The following ALX4 variants were observed in gnomAD, a reference collection of about 807,000 sequenced individuals.
ALX4 encodes the protein homeobox protein aristaless-like 4.
Under a neutral mutation model 40.6 loss-of-function variants are expected in ALX4, and 22 were observed. The observed-to-expected ratio is 0.54, with a 90% CI of 0.39 to 0.77. The LOEUF (loss-of-function observed/expected upper bound fraction) is 0.77. ALX4 is among the 30% of genes least tolerant of loss of function. The pLI is 0.00. For synonymous variants in ALX4, 266 were observed against 240.5 expected (o/e 1.11, Z -0.98); for missense variants, 556 against 564.8 (o/e 0.98, Z 0.16).
At chr11:44,305,633 G>A (rs1304240567) in intron 1 of ALX4, among the ~76,000 whole-genome samples, 1 of 152,228 alleles carries the variant, frequency 6.6e-6, no homozygotes, top group Non-Finnish European at 1.5e-5. Context: ...GTGGTGCATG[G>A]ATTGTGTCGG....
At chr11:44,295,321 G>A (rs1956396926) in intron 1 of ALX4, among the ~76,000 whole-genome samples, 1 of 152,160 alleles carries the variant, frequency 6.6e-6, no homozygotes. Flanking sequence ...GAGCTTCATG[G>A]GCTTCTCCAA....
chr11:44,275,364 G>C lies in ALX4; in HGVS notation c.761C>G (p.Thr254Ser). Residue 254 changes from threonine to serine, a missense_variant, in exon 2 of 4, where the codon ACT (threonine) becomes AGT (serine). By Grantham distance (58) the Thr-to-Ser change is moderately conservative. Coordinates refer to ENST00000652299, the MANE Select transcript of ALX4 (RefSeq NM_021926.4). ...REQLAMRTDL[T>S]EARVQVWFQN... Reference sequence around the variant, plus strand: ...CTCACTGACCTGCACGCGGGCCTCAGTGAGGTCTGTCCTCATGGCCAGCTG... The same window carrying C: ...CTCACTGACCTGCACGCGGGCCTCACTGAGGTCTGTCCTCATGGCCAGCTG... 6.2e-7 allele frequency: 1 copy of C among 1,614,224 alleles called. No individual in the cohort carries two copies. The highest frequency in any genetic ancestry group is 2.2e-5 in the East Asian group (1 of 44,876).
chr11:44,267,556 G>C lies in ALX4; in HGVS notation c.844C>G (p.Arg282Gly). ...RERFGQMQQV[R>G]THFSTAYELP... The stretch of plus-strand genomic sequence containing the variant: ...TCATATGCAGTGGAGAAGTGGGTTC[G>C]AACCTGCTGCATCTGCCCAAAACGC... Residue 282 changes from arginine (R) to glycine (G), a missense_variant, in exon 3 of 4, where the codon CGA becomes GGA. Physicochemically the swap from Arg to Gly is moderately radical, Grantham distance 125 (BLOSUM62 -2). Transcript: ENST00000652299. 6.2e-7 allele frequency: 1 copy of C among 1,614,126 alleles called. No homozygotes were observed. Among genetic ancestry groups the C allele is most frequent in the Non-Finnish European group, 8.5e-7 (1 of 1,180,024 alleles).
chr11:44,307,323 C>A (rs1472470395), intron 1 of ALX4, among the ~76,000 whole-genome samples: 1 of 152,212 alleles, frequency 6.6e-6, no homozygotes, highest in Non-Finnish European at 1.5e-5. Flanking sequence ...GGTCACACTG[C>A]CACGGGTTAG....
At chr11:44,301,520 C>T (rs908905466) in intron 1 of ALX4, among the ~76,000 whole-genome samples, 2 of 152,256 alleles carry the variant, frequency 1.3e-5, no homozygotes, top group South Asian at 2.1e-4. Context: ...GGGTGCTCTC[C>T]TGCTGTCCTC....
intron 1 of ALX4, among the ~76,000 whole-genome samples, chr11:44,289,916 CAG>C (rs1218274909): frequency 5.9e-5 from 9 of 152,334 alleles, no homozygotes; most frequent in Admixed American, 5.9e-4. Context: ...GCCAGAGAAA[CAG>C]AGTCTCCCAT....
In ALX4 at chr11:44,264,533, G is replaced by C. The variant is rs1956201268; in HGVS notation, c.*321C>G. On this transcript the variant is annotated 3_prime_UTR_variant, in exon 4 of 4. Transcript: ENST00000652299. ...GACTCATGGTCAACTAGGCAGAGCA[G>C]AGGAGTGGGCGGGAGCAAGAAAGCG... 70 of 449,576 alleles carry C rather than the reference G, an allele frequency of 1.6e-4. 2 individuals carry two copies. In the South Asian group the frequency reaches 1.7e-3, roughly 11 times the overall value. The allele number at this position is 449,576 out of a possible 1,614,324, so 27.8% of individuals were successfully genotyped here. A position where few individuals can be genotyped will look rare whatever the true frequency, so the allele number is the denominator to read the frequency against.
Position 44,301,547 on chromosome 11 carries a change from A to T in ALX4, c.466+8050T>A, listed in dbSNP as rs574955402. On this transcript the variant is annotated intron_variant, in intron 1 of 3. Transcript: ENST00000652299. ...GCTGTCCTCTAATGCCCAGGAGCTC[A>T]TGGCGGGGTCTGCTTTACTTCTAAG... 7.9e-5 allele frequency among the ~76,000 whole-genome samples: 12 copies of T among 152,350 alleles called. No individual in the cohort carries two copies. In the East Asian group the frequency reaches 1.9e-3, roughly 25 times the overall value.
intron 2 of ALX4, among the ~76,000 whole-genome samples, chr11:44,274,947 A>G (rs1372007025): frequency 6.6e-6 from 1 of 152,144 alleles, no homozygotes; most frequent in Non-Finnish European, 1.5e-5. Flanking sequence ...TGCTGTGGAC[A>G]TTGTCTTCAT....
chr11:44,304,774 C>T (rs553647682), intron 1 of ALX4, among the ~76,000 whole-genome samples: 3 of 152,356 alleles, frequency 2.0e-5, no homozygotes, highest in Admixed American at 1.3e-4. Context: ...AAAGTGCGCC[C>T]AGCTGATCTT....
At chr11:44,303,684 C>A (rs1026629304) in intron 1 of ALX4, among the ~76,000 whole-genome samples, 2 of 152,206 alleles carry the variant, frequency 1.3e-5, no homozygotes, top group African/African-American at 4.8e-5. Flanking sequence ...GGTGGAGAAG[C>A]CGCTCTTTGT....
chr11:44,291,118 G>A (rs941548283), intron 1 of ALX4, among the ~76,000 whole-genome samples: 2 of 152,138 alleles, frequency 1.3e-5, no homozygotes, highest in African/African-American at 4.8e-5. Context: ...AGCTCCCAGG[G>A]TCCCTTTCAA....
At chr11:44,299,626 C>T (rs2119882688) in intron 1 of ALX4, among the ~76,000 whole-genome samples, 1 of 152,278 alleles carries the variant, frequency 6.6e-6, no homozygotes, top group Admixed American at 6.5e-5. Flanking sequence ...TCCCAAAATG[C>T]TGGGATTACG....
chr11:44,309,445 C>G (rs1268919112), intron 1 of ALX4, 152 bp downstream of exon 1: 3 of 1,426,198 alleles, frequency 2.1e-6, no homozygotes, highest in Non-Finnish European at 2.8e-6. Flanking sequence ...TCCCTTGGCT[C>G]CCTCGCAGCG....
At chr11:44,266,209 CTA>C (rs1262294662) in intron 3 of ALX4, among the ~76,000 whole-genome samples, 1 of 152,056 alleles carries the variant, frequency 6.6e-6, no homozygotes, top group Non-Finnish European at 1.5e-5. Flanking sequence ...TGAGCACACA[CTA>C]TGTGGTGCTG....
chr11:44,302,422 C>T (rs1231463824), intron 1 of ALX4, among the ~76,000 whole-genome samples: 1 of 152,202 alleles, frequency 6.6e-6, no homozygotes, highest in Non-Finnish European at 1.5e-5. Context: ...GTGGGGGCAA[C>T]ACTGCAGGAG....
At chr11:44,280,751 T>C (rs1956305132) in intron 1 of ALX4, among the ~76,000 whole-genome samples, 2 of 152,214 alleles carry the variant, frequency 1.3e-5, no homozygotes, top group South Asian at 4.1e-4. Context: ...CATCATGGTA[T>C]CCAGTGCTCT....
intron 1 of ALX4, among the ~76,000 whole-genome samples, chr11:44,307,842 G>A (rs1956478354): frequency 6.6e-6 from 1 of 152,108 alleles, no homozygotes; most frequent in Non-Finnish European, 1.5e-5. Context: ...GTGGAGCTGT[G>A]TGTGTCCATG....
rs536994298 is a variant in ALX4 at position 44,309,574 on chromosome 11, A to G, written c.466+23T>C. The stretch of plus-strand genomic sequence containing the variant: ...CAAGCACCCCGTGGTCCCCAGCACC[A>G]GGTGACCCGCACGTGCACTCACCGT... On this transcript the variant is annotated intron_variant, in intron 1 of 3. Coordinates refer to ENST00000652299, the MANE Select transcript of ALX4 (RefSeq NM_021926.4). 4 of 1,562,236 alleles carry G rather than the reference A, an allele frequency of 2.6e-6. No individual in the cohort carries two copies. The African/African-American group carries it at 4.1e-5, about 16-fold the overall frequency.
Sources: allele counts gnomAD v4.1 joint callset (sites outside exome capture counted in the v4.1 genomes callset), GRCh38; gene constraint gnomAD v4.1.1; transcripts MANE v1.5; gene names NCBI Gene and HGNC (gene_info 2026-07-23, HGNC 2026-07-21).